RBFOX1: variants seen among roughly 807,000 people sequenced by gnomAD.
The protein encoded by RBFOX1 is RNA binding protein fox-1 homolog 1.
Under a neutral mutation model 57.7 loss-of-function variants are expected in RBFOX1, and 8 were observed. That is an observed-to-expected ratio of 0.14 (90% CI 0.08 to 0.25). The LOEUF (loss-of-function observed/expected upper bound fraction) is 0.25. Ranked by LOEUF, RBFOX1 falls within the 10% of genes least tolerant of loss-of-function variation. The pLI is 1.00. For missense variants in RBFOX1, 611 were observed against 548.5 expected (o/e 1.11, Z -1.14); for synonymous variants, 326 against 222.4 (o/e 1.47, Z -4.15).
chr16:6,018,961 G>T (rs1196865417), upstream of RBFOX1: 2 of 445,624 alleles, frequency 4.5e-6, no homozygotes, highest in Non-Finnish European at 3.0e-6. Flanking sequence ...AGGGCTGCAC[G>T]CGTGACCGCG....
At chr16:6,010,682 A>T (rs2094956044) in intron 4 of RBFOX1, among the ~76,000 whole-genome samples, 1 of 152,224 alleles carries the variant, frequency 6.6e-6, no homozygotes, top group Non-Finnish European at 1.5e-5. Flanking sequence ...GCTGAAGTGG[A>T]TGTAAACATG....
intron 1 of RBFOX1, among the ~76,000 whole-genome samples, chr16:5,381,814 C>G (rs2066137923): frequency 6.6e-6 from 1 of 152,226 alleles, no homozygotes; most frequent in South Asian, 2.1e-4. Flanking sequence ...AACCAAGGCT[C>G]AGAGAGGCTA....
In RBFOX1 at chr16:6,921,716, C is replaced by T. The variant is rs189652863; in HGVS notation, c.-15-130341C>T. On this transcript the variant is annotated intron_variant, in intron 3 of 15. Coordinates refer to ENST00000550418, the MANE Select transcript of RBFOX1 (RefSeq NM_018723.4). The stretch of plus-strand genomic sequence containing the variant: ...AGGCAGAGGTGATGGAAAGTTATAC[C>T]GTGATAATGTTCATATATATGAGCA... Among the ~76,000 whole-genome samples, 159 of 150,484 alleles carry T rather than the reference C, an allele frequency of 1.1e-3. 1 individual carries two copies. The highest frequency in any genetic ancestry group is 3.6e-3 in the African/African-American group (149 of 40,824).
chr16:5,831,575 C>T (rs1277546341), intron 3 of RBFOX1, among the ~76,000 whole-genome samples: 3 of 151,612 alleles, frequency 2.0e-5, no homozygotes, highest in African/African-American at 7.3e-5. Context: ...CTGCAACCTC[C>T]ACCTACTGGT....
At chr16:5,270,687 G>T in intron 1 of RBFOX1, 1 of 526,234 alleles carries the variant, frequency 1.9e-6, no homozygotes, top group South Asian at 1.7e-5. Flanking sequence ...TGGAAATCAT[G>T]ACCTGAGATG....
chr16:7,110,454 A>C (rs1266708386), intron 4 of RBFOX1, among the ~76,000 whole-genome samples: 1 of 152,160 alleles, frequency 6.6e-6, no homozygotes, highest in African/African-American at 2.4e-5. Context: ...GAGTGGAGAC[A>C]AGACTTCAGC....
chr16:6,730,985 G>C (rs1343463507), intron 3 of RBFOX1, among the ~76,000 whole-genome samples: 3 of 152,168 alleles, frequency 2.0e-5, no homozygotes, highest in Non-Finnish European at 2.9e-5. Context: ...CACTGCTTTT[G>C]TTAGTATCAT....
At chr16:7,552,113 C>T (rs34667042) in intron 5 of RBFOX1, among the ~76,000 whole-genome samples, 19,751 of 152,200 alleles carry the variant, frequency 0.13, 1,737 homozygotes, top group Non-Finnish European at 0.2. Flanking sequence ...CTCCACCACC[C>T]GTTTTTAATT....
At chr16:5,840,277 G>A (rs1352157221) in intron 3 of RBFOX1, among the ~76,000 whole-genome samples, 1 of 152,132 alleles carries the variant, frequency 6.6e-6, no homozygotes, top group Non-Finnish European at 1.5e-5. Context: ...GCTGTCCTTG[G>A]TTGAACCAGA....
At chr16:5,725,431 A>ATTG (rs1044995473) in intron 3 of RBFOX1, among the ~76,000 whole-genome samples, 7 of 151,412 alleles carry the variant, frequency 4.6e-5, no homozygotes, top group African/African-American at 1.7e-4. Flanking sequence ...TATTATTATT[A>ATTG]TTTTTATTTT....
Position 5,491,359 on chromosome 16 carries a change from G to T in RBFOX1, c.258+24105G>T, listed in dbSNP as rs576945332. ...TTATCGCCAAAGGTTAATTTTGCCT[G>T]TTTGGAAATTCCTATCAATGGAATC... On this transcript the variant is annotated intron_variant, in intron 2 of 2. Transcript: ENST00000585867. 2.0e-5 allele frequency among the ~76,000 whole-genome samples: 3 copies of T among 152,182 alleles called. No individual in the cohort carries two copies. In the East Asian group the frequency reaches 5.8e-4, roughly 29 times the overall value.
At chr16:6,217,205 T>C (rs1367023946) in intron 1 of RBFOX1, among the ~76,000 whole-genome samples, 1 of 137,536 alleles carries the variant, frequency 7.3e-6, no homozygotes, top group Non-Finnish European at 1.5e-5. Context: ...AGAATTCGTC[T>C]GAATCTAGAA....
At chr16:7,061,545 T>C (rs773900640) in intron 4 of RBFOX1, among the ~76,000 whole-genome samples, 4 of 152,138 alleles carry the variant, frequency 2.6e-5, no homozygotes, top group Non-Finnish European at 5.9e-5. Flanking sequence ...TCCCCAGGCA[T>C]TTGAACACTT....
intron 3 of RBFOX1, among the ~76,000 whole-genome samples, chr16:5,759,925 T>C (rs1298598702): frequency 6.6e-6 from 1 of 151,770 alleles, no homozygotes; most frequent in Non-Finnish European, 1.5e-5. Flanking sequence ...AACTTCCACA[T>C]CCCCTTTTGT....
intron 5 of RBFOX1, among the ~76,000 whole-genome samples, chr16:7,576,968 C>T (rs1010814315): frequency 6.6e-6 from 1 of 152,158 alleles, no homozygotes; most frequent in Non-Finnish European, 1.5e-5. Context: ...GTGACAGTTG[C>T]AGGATTCGAG....
intron 3 of RBFOX1, among the ~76,000 whole-genome samples, chr16:6,827,808 G>A (rs559535305): frequency 7.2e-5 from 11 of 152,260 alleles, no homozygotes; most frequent in Middle Eastern, 3.4e-3. Flanking sequence ...GGTCAGCTTC[G>A]CTTCTGCAGG....
chr16:7,331,993 C>G (rs1315797500), intron 4 of RBFOX1, among the ~76,000 whole-genome samples: 2 of 152,056 alleles, frequency 1.3e-5, no homozygotes, highest in Admixed American at 6.6e-5. Context: ...ACTCTGAGAA[C>G]AAGAAGACAT....
intron 1 of RBFOX1, among the ~76,000 whole-genome samples, chr16:6,035,341 A>G (rs2095351778): frequency 2.6e-5 from 4 of 152,234 alleles, no homozygotes. Flanking sequence ...TTCTTCCCCA[A>G]GGATGGAGCA....
chr16:6,712,367 C>A (rs1281806675), intron 3 of RBFOX1, among the ~76,000 whole-genome samples: 2 of 152,178 alleles, frequency 1.3e-5, no homozygotes, highest in Middle Eastern at 3.2e-3. Context: ...AATGTTACGT[C>A]TGTCCTGGGC....
Sources: gnomAD v4.1 joint callset for allele counts (sites outside exome capture counted in the v4.1 genomes callset) on GRCh38, gnomAD v4.1.1 for gene constraint, MANE v1.5 for transcripts, NCBI Gene and HGNC (gene_info 2026-07-23, HGNC 2026-07-21) for gene names.